INO80: variants seen among roughly 807,000 people sequenced by gnomAD.
INO80 encodes the protein INO80 complex ATPase subunit.
INO80 carries 20 observed loss-of-function variants against 203.4 expected under a neutral mutation model. That is an observed-to-expected ratio of 0.10 (90% CI 0.07 to 0.14). The LOEUF (loss-of-function observed/expected upper bound fraction) is 0.14. Among genes scored for constraint, INO80 ranks in the 10% least tolerant of loss-of-function variants. The pLI, the probability that INO80 is intolerant of heterozygous loss-of-function variation, is 1.00. For missense variants in INO80, 1,419 were observed against 1,914.4 expected (o/e 0.74, Z 4.83); for synonymous variants, 726 against 685.2 (o/e 1.06, Z -0.93).
In INO80 at chr15:41,079,820, G is replaced by A; in HGVS notation, c.1012C>T (p.Arg338Cys). The A allele has an allele frequency of 3.1e-6, 5 of 1,614,064 alleles. No homozygotes were observed. Among genetic ancestry groups the A allele is most frequent in the Non-Finnish European group, 4.2e-6 (5 of 1,179,986 alleles). Residue 338 changes from arginine (R) to cysteine (C), a missense_variant, in exon 9 of 36, where the codon CGC becomes TGC. Arg to Cys is a radical substitution (Grantham distance 180, BLOSUM62 -3). Coordinates refer to ENST00000648947, the MANE Select transcript of INO80 (RefSeq NM_017553.3). ...TACAGAAGCATCTCCTTGGTGAGGC[G>A]GCGGGCACGAGGCAAGGTTTCCTTA... ...NCKETLPRAR[R>C]LTKEMLLYWK...
At chr15:41,083,020 C>T (rs1025705704) in intron 7 of INO80, among the ~76,000 whole-genome samples, 3 of 152,078 alleles carry the variant, frequency 2.0e-5, no homozygotes, top group Non-Finnish European at 2.9e-5. Flanking sequence ...CAGTGGCTCA[C>T]GTCTGCAATC....
At chr15:41,058,437 G>A (rs2045034491) in intron 16 of INO80, among the ~76,000 whole-genome samples, 6 of 152,128 alleles carry the variant, frequency 3.9e-5, no homozygotes, top group Admixed American at 3.9e-4. Context: ...GATGCGAGAG[G>A]ATCGCTTGAA....
rs1380672038 is a variant in INO80 at position 41,053,916 on chromosome 15, C to T, written c.2274+13G>A. 2 of 1,606,158 alleles carry T rather than the reference C, an allele frequency of 1.2e-6. No homozygotes were observed. Among genetic ancestry groups the T allele is most frequent in the South Asian group, 1.1e-5 (1 of 90,830 alleles). ...CTATTGAGGCTTAAACACATGAGGT[C>T]TTCTTTACTTACCTTGTCAGATAAT... On this transcript the variant is annotated intron_variant, in intron 19 of 35. Coordinates refer to ENST00000648947, the MANE Select transcript of INO80 (RefSeq NM_017553.3).
Position 40,979,977 on chromosome 15 carries a change from C to T in INO80, c.*246G>A. ...AGGTTTAAGACTTGGCTATACAGTT[C>T]ACTTGAGATGCAGTGGGGCTGATCC... On this transcript the variant is annotated 3_prime_UTR_variant, in exon 36 of 36. Coordinates refer to ENST00000648947, the MANE Select transcript of INO80 (RefSeq NM_017553.3). 1 of 548,114 alleles carries T rather than the reference C, an allele frequency of 1.8e-6. No individual in the cohort carries two copies. The highest frequency in any genetic ancestry group is 3.2e-5 in the East Asian group (1 of 31,618). 34.0% of individuals were successfully genotyped at this position (548,114 alleles called of 1,614,324 possible). A position where few individuals can be genotyped will look rare whatever the true frequency, so the allele number is the denominator to read the frequency against.
At chr15:41,114,483 CG>C (rs895555981) in intron 1 of INO80, among the ~76,000 whole-genome samples, 14 of 151,862 alleles carry the variant, frequency 9.2e-5, no homozygotes, top group Non-Finnish European at 1.5e-5. Context: ...CCAAGGCAGG[CG>C]GATCACTTGA....
chr15:41,108,670 T>C (rs2045917407), intron 1 of INO80, among the ~76,000 whole-genome samples: 1 of 151,542 alleles, frequency 6.6e-6, no homozygotes, highest in Non-Finnish European at 1.5e-5. Context: ...TGGGTCTCAC[T>C]AGTTCCACTG....
chr15:41,092,690 G>A (rs910691564), intron 4 of INO80, among the ~76,000 whole-genome samples: 1 of 152,114 alleles, frequency 6.6e-6, no homozygotes, highest in African/African-American at 2.4e-5. Flanking sequence ...ACAATATGAA[G>A]AATCTTGAAA....
chr15:41,031,692 C>T (rs746758231), intron 24 of INO80, among the ~76,000 whole-genome samples: 1 of 146,546 alleles, frequency 6.8e-6, no homozygotes, highest in Admixed American at 6.9e-5. Flanking sequence ...CTGGTTTTCA[C>T]GTGGTCACAG....
In INO80 at chr15:40,980,395, G is replaced by C. The variant is rs771192068; in HGVS notation, c.4499C>G (p.Ala1500Gly). The C allele has an allele frequency of 2.5e-6, 4 of 1,613,906 alleles. No individual in the cohort carries two copies. In the East Asian group the frequency reaches 6.7e-5, roughly 27 times the overall value. ...TGAAGGTCCAAAGTCAGCAAGGCCA[G>C]CAGGCCGAACAAGGGATGTCTGCAG... ...SPLQTSLVRP[A>G]GLADFGPSSA... is the part of the protein sequence containing the mutation. Residue 1500 changes from alanine (A) to glycine (G), a missense_variant, in exon 36 of 36, where the codon GCT becomes GGT. Physicochemically the swap from Ala to Gly is moderately conservative, Grantham distance 60. Coordinates refer to ENST00000648947, the MANE Select transcript of INO80 (RefSeq NM_017553.3).
intron 25 of INO80, among the ~76,000 whole-genome samples, chr15:41,022,951 A>G (rs1005912421): frequency 3.3e-5 from 5 of 151,962 alleles, no homozygotes; most frequent in African/African-American, 1.2e-4. Flanking sequence ...AAATACAAAA[A>G]TTAGCCTGGC....
intron 9 of INO80, among the ~76,000 whole-genome samples, chr15:41,079,333 C>G (rs1400343085): frequency 6.6e-6 from 1 of 152,028 alleles, no homozygotes; most frequent in Non-Finnish European, 1.5e-5. Context: ...TTGCTCATTC[C>G]TTTTTCTTGA....
chr15:41,113,771 T>G (rs1254399221), intron 1 of INO80, among the ~76,000 whole-genome samples: 2 of 152,216 alleles, frequency 1.3e-5, no homozygotes, highest in Non-Finnish European at 2.9e-5. Flanking sequence ...AGCTCTCGAT[T>G]TGTTGCTTTG....
intron 7 of INO80, among the ~76,000 whole-genome samples, chr15:41,083,914 CTTT>C (rs1310295069): frequency 6.6e-6 from 1 of 152,072 alleles, no homozygotes; most frequent in African/African-American, 2.4e-5. Context: ...CAGTACCATA[CTTT>C]TTTAACTGTA....
chr15:41,039,024 C>T (rs2044626907), intron 24 of INO80, among the ~76,000 whole-genome samples: 1 of 152,216 alleles, frequency 6.6e-6, no homozygotes, highest in Non-Finnish European at 1.5e-5. Context: ...CATAGGGTGG[C>T]ATTCAAAGAC....
intron 24 of INO80, among the ~76,000 whole-genome samples, chr15:41,044,467 T>C (rs141070793): frequency 6.6e-5 from 10 of 152,320 alleles, no homozygotes; most frequent in African/African-American, 2.4e-4. Context: ...ATTCCATTTA[T>C]ATAAAGTTCA....
At chr15:41,101,239 G>T (rs530250390) in intron 1 of INO80, among the ~76,000 whole-genome samples, 6 of 152,066 alleles carry the variant, frequency 3.9e-5, no homozygotes, top group Non-Finnish European at 8.8e-5. Flanking sequence ...CTCCTCATTT[G>T]TCTCTTATTC....
intron 17 of INO80, among the ~76,000 whole-genome samples, 163 bp downstream of exon 17, chr15:41,056,459 T>C (rs549946288): frequency 2.6e-5 from 4 of 152,352 alleles, no homozygotes; most frequent in Admixed American, 6.5e-5. Context: ...AAAACAGGAA[T>C]GATGCCTATG....
intron 14 of INO80, among the ~76,000 whole-genome samples, chr15:41,064,131 T>C (rs1217064535): frequency 6.6e-6 from 1 of 152,158 alleles, no homozygotes; most frequent in Non-Finnish European, 1.5e-5. Context: ...CTGAACAACT[T>C]AACAAACTTT....
intron 1 of INO80, among the ~76,000 whole-genome samples, chr15:41,112,809 A>AC (rs2045976462): frequency 2.6e-5 from 4 of 151,430 alleles, no homozygotes; most frequent in Middle Eastern, 3.4e-3. Context: ...AAAAAAAAAA[A>AC]AAAACTTTTC....
Sources: gnomAD v4.1 joint callset for allele counts (sites outside exome capture counted in the v4.1 genomes callset) on GRCh38, gnomAD v4.1.1 for gene constraint, MANE v1.5 for transcripts, NCBI Gene and HGNC (gene_info 2026-07-23, HGNC 2026-07-21) for gene names.